PRH1: variants seen among roughly 807,000 people sequenced by gnomAD.
The protein encoded by PRH1 is salivary acidic proline-rich phosphoprotein 1/2.
Under a neutral mutation model 7.9 loss-of-function variants are expected in PRH1, and 7 were observed. That is an observed-to-expected ratio of 0.89 (90% CI 0.50 to 1.67). The LOEUF (loss-of-function observed/expected upper bound fraction) is 1.67, where lower values mean the gene tolerates loss of function less well. Ranked by LOEUF, PRH1 falls within the 40% of genes most tolerant of loss-of-function variation. PRH1 has a pLI of 0.00. For synonymous variants in PRH1, 45 were observed against 80.8 expected (o/e 0.56, Z 2.38); for missense variants, 109 against 223.6 (o/e 0.49, Z 3.27).
At chr12:10,927,021 A>G (rs902459784) in intron 2 of PRH1, among the ~76,000 whole-genome samples, 2 of 152,060 alleles carry the variant, frequency 1.3e-5, no homozygotes, top group Non-Finnish European at 2.9e-5. Context: ...CAGCTCTTCC[A>G]TCACCCCTTC....
chr12:10,985,590 C>T (rs1350205271), intron 1 of PRH1, among the ~76,000 whole-genome samples: 3 of 152,080 alleles, frequency 2.0e-5, no homozygotes, highest in Admixed American at 2.0e-4. Context: ...GTAAAGATCA[C>T]ACAGTTTTCA....
At chr12:10,984,804 C>A (rs1360697992) in intron 1 of PRH1, among the ~76,000 whole-genome samples, 1 of 151,834 alleles carries the variant, frequency 6.6e-6, no homozygotes, top group East Asian at 1.9e-4. Context: ...TATATCAACA[C>A]ACTGTCTCAT....
intron 1 of PRH1, among the ~76,000 whole-genome samples, chr12:11,022,942 A>T (rs1353998647): frequency 6.6e-6 from 1 of 152,084 alleles, no homozygotes; most frequent in Non-Finnish European, 1.5e-5. Context: ...TCCTTGTTTA[A>T]CCTCTCCATA....
At chr12:10,924,180 G>T (rs1369172144) in intron 2 of PRH1, among the ~76,000 whole-genome samples, 1 of 151,550 alleles carries the variant, frequency 6.6e-6, no homozygotes, top group Admixed American at 6.6e-5. Flanking sequence ...ATAGAGACGG[G>T]GTTTCACCGT....
chr12:10,900,429 G>A (rs768937852), intron 2 of PRH1, among the ~76,000 whole-genome samples: 10 of 152,190 alleles, frequency 6.6e-5, no homozygotes, highest in Non-Finnish European at 1.3e-4. Context: ...ACTAAGCAGC[G>A]TAGCTGTGCA....
intron 1 of PRH1, among the ~76,000 whole-genome samples, chr12:11,007,905 CT>C (rs1341939981): frequency 6.6e-6 from 1 of 152,056 alleles, no homozygotes; most frequent in Non-Finnish European, 1.5e-5. Flanking sequence ...AAAATGGAAT[CT>C]AAAGACATGT....
At chr12:10,903,427 C>T (rs1591661868) in intron 2 of PRH1, among the ~76,000 whole-genome samples, 3 of 151,966 alleles carry the variant, frequency 2.0e-5, no homozygotes, top group Non-Finnish European at 1.5e-5. Flanking sequence ...TTCAACACCC[C>T]ACTGAGAAGA....
chr12:11,060,597 A>T (rs1943552065), intron 1 of PRH1, among the ~76,000 whole-genome samples: 1 of 152,172 alleles, frequency 6.6e-6, no homozygotes, highest in Admixed American at 6.5e-5. Context: ...ATGGAAACTG[A>T]TAATAGCAAT....
chr12:11,084,203 A>G (rs74441407), intron 1 of PRH1, among the ~76,000 whole-genome samples: 44,186 of 95,872 alleles, frequency 0.46, 5,720 homozygotes, highest in Non-Finnish European at 0.55. Context: ...TGTAACGGGC[A>G]CAAGCAGCAC....
intron 1 of PRH1, among the ~76,000 whole-genome samples, chr12:11,023,250 C>T (rs1941748545): frequency 6.6e-6 from 1 of 152,176 alleles, no homozygotes; most frequent in East Asian, 1.9e-4. Context: ...CACATGCACT[C>T]ACACCCTTAG....
At chr12:10,939,221 A>G (rs1320409852) in intron 2 of PRH1, 2 of 1,447,630 alleles carry the variant, frequency 1.4e-6, no homozygotes, top group East Asian at 2.3e-5. Flanking sequence ...CTGTAAGAGC[A>G]TGCCCCAATG....
chr12:11,165,629 G>C (rs949017961), intron 1 of PRH1, among the ~76,000 whole-genome samples: 1 of 149,490 alleles, frequency 6.7e-6, no homozygotes, highest in Admixed American at 6.7e-5. Flanking sequence ...CTGGGTTTTT[G>C]TATGTGTGTA....
At chr12:10,928,478 G>A (rs1950154285) in intron 2 of PRH1, among the ~76,000 whole-genome samples, 1 of 152,188 alleles carries the variant, frequency 6.6e-6, no homozygotes, top group South Asian at 2.1e-4. Context: ...GTTTCAGTTT[G>A]TTTAGGTCTA....
At chr12:10,999,266 T>C (rs1340472551) in intron 1 of PRH1, among the ~76,000 whole-genome samples, 1 of 152,038 alleles carries the variant, frequency 6.6e-6, no homozygotes, top group South Asian at 2.1e-4. Context: ...AAAGGAAAAA[T>C]AGGTTGGAAA....
At chr12:11,064,980 T>C (rs1293869311) in intron 1 of PRH1, among the ~76,000 whole-genome samples, 7 of 151,954 alleles carry the variant, frequency 4.6e-5, no homozygotes, top group African/African-American at 1.4e-4. Flanking sequence ...CAGACTGCAG[T>C]AAGCCATGAT....
chr12:10,962,614 C>T (rs4763598), intron 2 of PRH1, among the ~76,000 whole-genome samples: 114,572 of 152,228 alleles, frequency 0.75, 45,226 homozygotes, highest in East Asian at 0.96. Flanking sequence ...TTTTGTGATG[C>T]TTCATTTTCA....
At chr12:11,140,045 C>T (rs557325460) in intron 1 of PRH1, among the ~76,000 whole-genome samples, 2 of 151,912 alleles carry the variant, frequency 1.3e-5, no homozygotes, top group South Asian at 4.2e-4. Flanking sequence ...ATTTCATATA[C>T]ATTTATTAAT....
intron 1 of PRH1, among the ~76,000 whole-genome samples, chr12:11,005,649 G>GC (rs1382226816): frequency 7.9e-5 from 12 of 152,090 alleles, no homozygotes; most frequent in African/African-American, 2.9e-4. Flanking sequence ...ATGCATACAC[G>GC]CCCCTCATGG....
At chr12:11,001,295 A>C (rs184791078) in intron 1 of PRH1, among the ~76,000 whole-genome samples, 4 of 152,236 alleles carry the variant, frequency 2.6e-5, no homozygotes, top group African/African-American at 9.6e-5. Context: ...CCCTAGCTAC[A>C]CCATTCTATT....
Sources: allele counts gnomAD v4.1 joint callset (sites outside exome capture counted in the v4.1 genomes callset), GRCh38; gene constraint gnomAD v4.1.1; transcripts MANE v1.5; gene names NCBI Gene and HGNC (gene_info 2026-07-23, HGNC 2026-07-21).